LRRTM4: variants seen among roughly 807,000 people sequenced by gnomAD.
The protein encoded by LRRTM4 is leucine-rich repeat transmembrane neuronal protein 4.
Under a neutral mutation model 47.6 loss-of-function variants are expected in LRRTM4, and 25 were observed. The ratio of observed to expected loss-of-function variants is 0.53; its 90% CI spans 0.38 to 0.73. LRRTM4 has a LOEUF of 0.73. Ranked by LOEUF, LRRTM4 falls within the 30% of genes least tolerant of loss-of-function variation. The pLI, the probability that LRRTM4 is intolerant of heterozygous loss-of-function variation, is 0.00. For missense variants in LRRTM4, 638 were observed against 713.4 expected, an observed-to-expected ratio of 0.89 and a Z score of 1.20; for synonymous variants, 311 against 269.5, an observed-to-expected ratio of 1.15 and a Z score of -1.51.
intron 3 of LRRTM4, among the ~76,000 whole-genome samples, chr2:76,873,525 T>TATATATATAC (rs1403601931): frequency 1.4e-5 from 2 of 146,110 alleles, no homozygotes; most frequent in Non-Finnish European, 1.5e-5. Context: ...TATATATATA[T>TATATATATAC]ATATATATAC....
chr2:77,323,371 G>T (rs1004204179), intron 3 of LRRTM4, among the ~76,000 whole-genome samples: 4 of 152,102 alleles, frequency 2.6e-5, no homozygotes, highest in African/African-American at 9.7e-5. Context: ...ACTGTCAAAG[G>T]TTAGAGTTGG....
chr2:77,284,618 A>G (rs567395083), intron 3 of LRRTM4, among the ~76,000 whole-genome samples: 13 of 152,206 alleles, frequency 8.5e-5, no homozygotes, highest in Non-Finnish European at 1.6e-4. Context: ...CTGTTTCTCT[A>G]TTCTGCAGGT....
chr2:76,881,027 A>T (rs1446279433), intron 3 of LRRTM4, among the ~76,000 whole-genome samples: 1 of 152,172 alleles, frequency 6.6e-6, no homozygotes, highest in Admixed American at 6.5e-5. Flanking sequence ...CTAGTGTTCT[A>T]TAGTACCGTA....
chr2:77,253,669 A>G (rs1675683529), intron 3 of LRRTM4, among the ~76,000 whole-genome samples: 1 of 152,100 alleles, frequency 6.6e-6, no homozygotes. Context: ...TGTCCAACAT[A>G]AATTTTCCTC....
intron 3 of LRRTM4, among the ~76,000 whole-genome samples, chr2:77,330,539 C>T (rs145788613): frequency 2.8e-4 from 42 of 151,874 alleles, no homozygotes; most frequent in East Asian, 2.3e-3. Flanking sequence ...ACTATATTTA[C>T]GAAGAATTTT....
intron 3 of LRRTM4, among the ~76,000 whole-genome samples, chr2:76,786,867 CTAA>C (rs56138285): frequency 0.4 from 60,201 of 151,634 alleles, 13,213 homozygotes; most frequent in Non-Finnish European, 0.5. Flanking sequence ...TTTCTTTGTG[CTAA>C]TAATAGCATC....
chr2:77,324,847 A>C (rs1670698312), intron 3 of LRRTM4, among the ~76,000 whole-genome samples: 1 of 152,176 alleles, frequency 6.6e-6, no homozygotes, highest in African/African-American at 2.4e-5. Context: ...CAATTGAGAG[A>C]AGAGTTTATT....
At chr2:76,947,217 C>T (rs868466267) in intron 3 of LRRTM4, among the ~76,000 whole-genome samples, 2 of 151,736 alleles carry the variant, frequency 1.3e-5, no homozygotes, top group African/African-American at 4.8e-5. Context: ...CTAATGTTTA[C>T]TTAAATGCAC....
At chr2:76,998,364 G>A (rs920591864) in intron 3 of LRRTM4, among the ~76,000 whole-genome samples, 1 of 151,980 alleles carries the variant, frequency 6.6e-6, no homozygotes, top group African/African-American at 2.4e-5. Flanking sequence ...ACTCACAGCT[G>A]CCATGCAGTA....
chr2:76,815,426 G>A (rs1286680033), intron 3 of LRRTM4, among the ~76,000 whole-genome samples: 1 of 152,122 alleles, frequency 6.6e-6, no homozygotes, highest in East Asian at 1.9e-4. Flanking sequence ...CTCTATGAAA[G>A]TCTGCAGGGC....
chr2:77,212,424 T>C (rs1257283742), intron 3 of LRRTM4, among the ~76,000 whole-genome samples: 1 of 149,846 alleles, frequency 6.7e-6, no homozygotes, highest in Non-Finnish European at 1.5e-5. Flanking sequence ...CAATCTTCTA[T>C]TCAAAGTTAA....
chr2:77,137,037 G>C (rs1216268509), intron 3 of LRRTM4, among the ~76,000 whole-genome samples: 1 of 151,910 alleles, frequency 6.6e-6, no homozygotes, highest in African/African-American at 2.4e-5. Flanking sequence ...ATGGAACCAA[G>C]GTGGAAAACA....
At chr2:76,837,227 A>G (rs1671539817) in intron 3 of LRRTM4, among the ~76,000 whole-genome samples, 1 of 151,846 alleles carries the variant, frequency 6.6e-6, no homozygotes, top group South Asian at 2.1e-4. Context: ...ATCGGTGGTG[A>G]TATCCCCTTT....
chr2:76,898,323 G>A (rs1464945401), intron 3 of LRRTM4, among the ~76,000 whole-genome samples: 3 of 151,994 alleles, frequency 2.0e-5, no homozygotes, highest in African/African-American at 7.3e-5. Context: ...TTGGAAATCA[G>A]CAGATTACAT....
At chr2:77,431,835 C>A (rs972989218) in intron 3 of LRRTM4, among the ~76,000 whole-genome samples, 1 of 148,594 alleles carries the variant, frequency 6.7e-6, no homozygotes, top group Non-Finnish European at 1.5e-5. Flanking sequence ...CAGCACTTTG[C>A]GAGGCTGAGG....
intron 3 of LRRTM4, among the ~76,000 whole-genome samples, chr2:77,455,682 G>A (rs1054850451): frequency 9.2e-5 from 14 of 151,866 alleles, no homozygotes; most frequent in African/African-American, 2.9e-4. Context: ...ACTTGGCTGT[G>A]CATTCTGTCC....
At chr2:76,882,973 A>G (rs998383279) in intron 3 of LRRTM4, among the ~76,000 whole-genome samples, 1 of 151,888 alleles carries the variant, frequency 6.6e-6, no homozygotes, top group Non-Finnish European at 1.5e-5. Context: ...CTTCCTTTCA[A>G]TCTGTGCTGC....
chr2:77,424,399 C>A (rs528726457), intron 3 of LRRTM4, among the ~76,000 whole-genome samples: 1 of 151,346 alleles, frequency 6.6e-6, no homozygotes, highest in Non-Finnish European at 1.5e-5. Flanking sequence ...TTTTGGCATT[C>A]GCAAGTTTTT....
intron 3 of LRRTM4, among the ~76,000 whole-genome samples, chr2:77,058,039 T>A: frequency 6.6e-6 from 1 of 152,312 alleles, no homozygotes; most frequent in South Asian, 2.1e-4. Context: ...GTCAATATTT[T>A]AGATTTTTCA....
Sources: allele counts gnomAD v4.1 joint callset (sites outside exome capture counted in the v4.1 genomes callset), GRCh38; gene constraint gnomAD v4.1.1; transcripts MANE v1.5; gene names NCBI Gene and HGNC (gene_info 2026-07-23, HGNC 2026-07-21).